The following PCDHA10 variants were observed in gnomAD, a reference collection of about 807,000 sequenced individuals.
The protein encoded by PCDHA10 is protocadherin alpha 10, also known as protocadherin alpha-10.
A neutral mutation model predicts 61.2 loss-of-function variants in PCDHA10; 45 were observed. The ratio of observed to expected loss-of-function variants is 0.74; its 90% CI spans 0.58 to 0.94. The LOEUF is 0.94. PCDHA10 is among the 40% of genes least tolerant of loss of function. The pLI is 0.00. For synonymous variants in PCDHA10, 602 were observed against 548.8 expected (o/e 1.10, Z -1.35); for missense variants, 1,278 against 1,236.2 (o/e 1.03, Z -0.51).
intron 1 of PCDHA10, among the ~76,000 whole-genome samples, chr5:140,970,696 C>T (rs2096425637): frequency 6.6e-6 from 1 of 152,144 alleles, no homozygotes; most frequent in Admixed American, 6.5e-5. Flanking sequence ...GCTTTTAGAG[C>T]TACTACACAA....
At chr5:140,967,156 G>A (rs1169438367) in intron 1 of PCDHA10, 1 of 1,610,422 alleles carries the variant, frequency 6.2e-7, no homozygotes, top group Admixed American at 1.7e-5. Context: ...ACCCCGTGGC[G>A]GTGAGCGCCG....
At chr5:140,889,424 A>AT (rs1554183891) in intron 1 of PCDHA10, among the ~76,000 whole-genome samples, 2 of 151,956 alleles carry the variant, frequency 1.3e-5, no homozygotes, top group Non-Finnish European at 2.9e-5. Flanking sequence ...CGTAGATAAT[A>AT]TTTTTTCAGG....
At chr5:140,928,699 G>A in intron 1 of PCDHA10, 3 of 1,614,170 alleles carry the variant, frequency 1.9e-6, no homozygotes, top group Non-Finnish European at 2.5e-6. Flanking sequence ...CATCTCCCGG[G>A]CGTCTGACTC....
intron 1 of PCDHA10, chr5:140,876,810 C>T (rs782009058): frequency 1.9e-6 from 3 of 1,614,154 alleles, no homozygotes; most frequent in East Asian, 2.2e-5. Flanking sequence ...TGGAGGTGGC[C>T]GACGTGAACG....
At chr5:140,905,376 C>G in intron 1 of PCDHA10, among the ~76,000 whole-genome samples, 1 of 152,174 alleles carries the variant, frequency 6.6e-6, no homozygotes, top group East Asian at 1.9e-4. Context: ...GTTCTCTGTT[C>G]TGTTTCATAG....
intron 1 of PCDHA10, chr5:140,882,304 G>A (rs1046715245): frequency 1.2e-6 from 2 of 1,613,750 alleles, no homozygotes; most frequent in Non-Finnish European, 1.7e-6. Context: ...CAAGACCGCG[G>A]CAACTACTGC....
intron 1 of PCDHA10, chr5:140,868,892 A>G (rs1450985948): frequency 3.9e-6 from 3 of 760,982 alleles, no homozygotes; most frequent in Non-Finnish European, 4.1e-6. Context: ...TTTTAGGCGC[A>G]AGGTGTCGCT....
chr5:140,946,611 A>AATATATAGATATATATATATAT (rs2093974557), intron 1 of PCDHA10, among the ~76,000 whole-genome samples: 1 of 86,814 alleles, frequency 1.2e-5, no homozygotes, highest in Non-Finnish European at 2.1e-5. Context: ...GAAAATGTGA[A>AATATATAGATATATATATATAT]ATATATATAT....
At chr5:140,995,214 CTCT>C (rs1563606225) in intron 3 of PCDHA10, among the ~76,000 whole-genome samples, 1 of 152,136 alleles carries the variant, frequency 6.6e-6, no homozygotes, top group East Asian at 1.9e-4. Flanking sequence ...AGGCACAATA[CTCT>C]TGTGCTTTGG....
chr5:140,948,345 A>G (rs1476053305), intron 1 of PCDHA10, among the ~76,000 whole-genome samples: 3 of 151,554 alleles, frequency 2.0e-5, no homozygotes, highest in African/African-American at 7.2e-5. Context: ...TAGTATTTCT[A>G]ACCTAATAAA....
At chr5:140,906,766 C>T (rs1162031965) in intron 1 of PCDHA10, among the ~76,000 whole-genome samples, 1 of 152,224 alleles carries the variant, frequency 6.6e-6, no homozygotes, top group African/African-American at 2.4e-5. Flanking sequence ...TACTAAGAGA[C>T]ACCCTAAGGG....
rs782109045 is a variant in PCDHA10 at position 140,856,427 on chromosome 5, G to C, written c.379G>C (p.Asp127His). ...GGACGTGGAAGTGAAGGACATTAAC[G>C]ACAACCCGCCCAGGTTCTCCGTAAC... ...HVDVEVKDIN[D>H]NPPRFSVTEQ... Residue 127 changes from aspartate to histidine, a missense_variant, in exon 1 of 4, where the codon GAC (aspartate) becomes CAC (histidine). Transcript: ENST00000307360. 9 of 1,598,364 alleles carry C rather than the reference G, an allele frequency of 5.6e-6. 1 individual carries two copies. Among genetic ancestry groups the C allele is most frequent in the South Asian group, 1.1e-5 (1 of 90,520 alleles).
intron 1 of PCDHA10, among the ~76,000 whole-genome samples, chr5:140,911,440 A>C (rs151200639): frequency 6.6e-5 from 10 of 152,168 alleles, no homozygotes; most frequent in African/African-American, 1.7e-4. Context: ...ATTTCCCGCA[A>C]TTTCAGCTCT....
intron 1 of PCDHA10, among the ~76,000 whole-genome samples, chr5:140,959,188 G>A (rs782018838): frequency 6.6e-6 from 1 of 151,982 alleles, no homozygotes; most frequent in Non-Finnish European, 1.5e-5. Context: ...ACCAGTCTGG[G>A]CAACATGGTG....
In PCDHA10 at chr5:140,856,884, C is replaced by T; in HGVS notation, c.836C>T (p.Ser279Leu). Residue 279 changes from serine (S) to leucine (L), a missense_variant, in exon 1 of 4, where the codon TCA becomes TTA. By Grantham distance (145) the Ser-to-Leu change is moderately radical. Coordinates refer to ENST00000307360, the MANE Select transcript of PCDHA10 (RefSeq NM_018901.4). ...DEGINKEMMY[S>L]FSSLVPPTIR... ...GGAATAAACAAGGAAATGATGTATT[C>T]ATTTAGCTCTTTGGTCCCACCCACG... is the stretch of plus-strand genomic sequence containing the variant. 6.3e-7 allele frequency: 1 copy of T among 1,596,124 alleles called. No homozygotes were observed.
rs1554204607 is a variant in PCDHA10 at position 140,927,485 on chromosome 5, C to G, written c.2389-51464C>G. On this transcript the variant is annotated intron_variant, in intron 1 of 3. Transcript: ENST00000307360. ...GCACTGGATCGCGAACAGCGCGCCA[C>G]CCACCTGCTGGTGCTTACAGCTCGG... is the stretch of plus-strand genomic sequence containing the variant. The G allele has an allele frequency of 2.5e-6, 4 of 1,614,098 alleles. No individual in the cohort carries two copies. In the Admixed American group the frequency reaches 6.7e-5, roughly 27 times the overall value.
chr5:140,999,822 T>C (rs1389164136), intron 3 of PCDHA10, among the ~76,000 whole-genome samples: 3 of 152,222 alleles, frequency 2.0e-5, no homozygotes, highest in Non-Finnish European at 4.4e-5. Context: ...GAGCTGTGGC[T>C]TTAAAAATAT....
At chr5:140,947,648 T>C (rs1476825159) in intron 1 of PCDHA10, among the ~76,000 whole-genome samples, 1 of 151,646 alleles carries the variant, frequency 6.6e-6, no homozygotes, top group Non-Finnish European at 1.5e-5. Context: ...TGAACATATA[T>C]ACCTCCATTT....
At chr5:140,989,601 A>C (rs553140269) in intron 3 of PCDHA10, among the ~76,000 whole-genome samples, 14 of 152,318 alleles carry the variant, frequency 9.2e-5, no homozygotes, top group African/African-American at 3.4e-4. Flanking sequence ...ACACAAGTAA[A>C]CTAAAAATGA....
Sources: allele counts gnomAD v4.1 joint callset (sites outside exome capture counted in the v4.1 genomes callset), GRCh38; gene constraint gnomAD v4.1.1; transcripts MANE v1.5; gene names NCBI Gene and HGNC (gene_info 2026-07-23, HGNC 2026-07-21).